TTC39C: variants seen among roughly 807,000 people sequenced by gnomAD.
TTC39C encodes tetratricopeptide repeat protein 39C.
A neutral mutation model predicts 76.3 loss-of-function variants in TTC39C; 33 were observed. That is an observed-to-expected ratio of 0.43 (90% CI 0.33 to 0.58). TTC39C has a LOEUF of 0.58. Ranked by LOEUF, TTC39C falls within the 20% of genes least tolerant of loss-of-function variation. TTC39C has a pLI of 0.04. For synonymous variants in TTC39C, 254 were observed against 260.6 expected, an observed-to-expected ratio of 0.97 and a Z score of 0.24; for missense variants, 595 against 701.4, an observed-to-expected ratio of 0.85 and a Z score of 1.71.
chr18:24,047,895 G>A (rs761618487), intron 1 of TTC39C, among the ~76,000 whole-genome samples: 10 of 152,148 alleles, frequency 6.6e-5, no homozygotes, highest in Admixed American at 1.3e-4. Flanking sequence ...TGCCTGTATC[G>A]AAACATTTTG....
intron 10 of TTC39C, among the ~76,000 whole-genome samples, chr18:24,126,547 C>T (rs974534722): frequency 2.0e-5 from 3 of 151,976 alleles, no homozygotes; most frequent in African/African-American, 7.2e-5. Flanking sequence ...TGTACAGTGG[C>T]CCTGTAATTC....
intron 1 of TTC39C, among the ~76,000 whole-genome samples, chr18:24,030,687 T>C (rs1181444146): frequency 1.6e-5 from 2 of 127,166 alleles, no homozygotes; most frequent in Non-Finnish European, 3.2e-5. Context: ...AATCTCGCTC[T>C]GTCACCAGGC....
At chr18:24,006,095 C>G (rs2083349942) in intron 1 of TTC39C, among the ~76,000 whole-genome samples, 1 of 151,592 alleles carries the variant, frequency 6.6e-6, no homozygotes, top group Non-Finnish European at 1.5e-5. Flanking sequence ...TCACTGCAGC[C>G]TCAACCTCCT....
At chr18:24,006,789 A>T (rs565047943) in intron 1 of TTC39C, among the ~76,000 whole-genome samples, 2 of 152,322 alleles carry the variant, frequency 1.3e-5, no homozygotes, top group East Asian at 1.9e-4. Flanking sequence ...GAATAAATGG[A>T]TTCTGACAAA....
At chr18:24,037,902 A>G (rs1029284679) in intron 1 of TTC39C, among the ~76,000 whole-genome samples, 2 of 152,164 alleles carry the variant, frequency 1.3e-5, no homozygotes, top group Admixed American at 1.3e-4. Context: ...AAGATCTTTT[A>G]GCTCTTTTCA....
At chr18:24,023,937 T>TATATAG (rs2083547346) in intron 1 of TTC39C, among the ~76,000 whole-genome samples, 1 of 19,370 alleles carries the variant, frequency 5.2e-5, no homozygotes, top group South Asian at 2.2e-3. Context: ...AAATTACATA[T>TATATAG]ATATATATGC....
chr18:24,023,942 A>C (rs1416807882), intron 1 of TTC39C, among the ~76,000 whole-genome samples: 14 of 17,852 alleles, frequency 7.8e-4, no homozygotes, highest in Admixed American at 2.8e-3. Context: ...ACATATATAT[A>C]TATGCATGTA....
intron 1 of TTC39C, among the ~76,000 whole-genome samples, chr18:24,063,806 G>A (rs1265374291): frequency 6.6e-6 from 1 of 152,072 alleles, no homozygotes; most frequent in East Asian, 1.9e-4. Flanking sequence ...GAGCCACCGC[G>A]CCTGGCCTGT....
chr18:23,994,311 C>CAAAAA (rs756868848), intron 1 of TTC39C: 1 of 82,550 alleles, frequency 1.2e-5, no homozygotes, highest in Admixed American at 1.4e-4. Flanking sequence ...ATTGTAGTAA[C>CAAAAA]CAAAAAAAAA....
At chr18:24,029,249 T>C (rs886317223) in intron 1 of TTC39C, among the ~76,000 whole-genome samples, 34 of 152,114 alleles carry the variant, frequency 2.2e-4, no homozygotes, top group African/African-American at 7.7e-4. Flanking sequence ...ATTATAGGCG[T>C]GTACCACCAC....
chr18:24,033,421 C>T (rs2011391), intron 1 of TTC39C, among the ~76,000 whole-genome samples: 17,335 of 152,118 alleles, frequency 0.11, 1,645 homozygotes, highest in African/African-American at 0.26. Flanking sequence ...TTTCATTGCA[C>T]GTTGAATCTC....
At chr18:24,048,986 C>G (rs533931786) in intron 1 of TTC39C, among the ~76,000 whole-genome samples, 1 of 152,156 alleles carries the variant, frequency 6.6e-6, no homozygotes. Flanking sequence ...TCTTAAGACG[C>G]GTTGGCCAAC....
chr18:24,101,609 A>G (rs1193407215), intron 6 of TTC39C, among the ~76,000 whole-genome samples: 3 of 151,462 alleles, frequency 2.0e-5, no homozygotes, highest in African/African-American at 7.3e-5. Context: ...CACCTTTTAC[A>G]GAGAGTGTCA....
chr18:24,104,688 TTG>T (rs10661950), intron 6 of TTC39C, among the ~76,000 whole-genome samples: 3,761 of 144,748 alleles, frequency 0.026, 163 homozygotes, highest in African/African-American at 0.087. Context: ...AGCAGGGTGT[TTG>T]TGTGTGTGTG....
intron 6 of TTC39C, among the ~76,000 whole-genome samples, chr18:24,091,892 A>C (rs1244393049): frequency 6.6e-6 from 1 of 151,924 alleles, no homozygotes; most frequent in East Asian, 1.9e-4. Context: ...GATCGAGACC[A>C]TCCTGGCTAA....
At chr18:24,050,875 G>GGA (rs2145710572) in intron 1 of TTC39C, among the ~76,000 whole-genome samples, 1 of 142,780 alleles carries the variant, frequency 7.0e-6, no homozygotes, top group African/African-American at 2.6e-5. Context: ...TCCATCTCAG[G>GGA]AAAAAAAAAA....
At chr18:23,996,487 G>A (rs1468762730) in intron 1 of TTC39C, among the ~76,000 whole-genome samples, 1 of 152,224 alleles carries the variant, frequency 6.6e-6, no homozygotes, top group African/African-American at 2.4e-5. Flanking sequence ...TGCTTTCCAT[G>A]ACCTCAGGTT....
At chr18:24,067,052 G>C (rs2084175190) in intron 3 of TTC39C, among the ~76,000 whole-genome samples, 1 of 152,196 alleles carries the variant, frequency 6.6e-6, no homozygotes, top group African/African-American at 2.4e-5. Flanking sequence ...GATCATTCTG[G>C]TGTGTCTGCT....
At chr18:24,067,760 C>A (rs2084184171) in intron 3 of TTC39C, among the ~76,000 whole-genome samples, 1 of 152,112 alleles carries the variant, frequency 6.6e-6, no homozygotes, top group South Asian at 2.1e-4. Context: ...AATTCATTGA[C>A]CATAATATAG....
Sources: allele counts gnomAD v4.1 joint callset (sites outside exome capture counted in the v4.1 genomes callset), GRCh38; gene constraint gnomAD v4.1.1; transcripts MANE v1.5; gene names NCBI Gene and HGNC (gene_info 2026-07-23, HGNC 2026-07-21).